The following COL6A6 variants were observed in gnomAD, a reference collection of about 807,000 sequenced individuals.
COL6A6 encodes collagen type VI alpha 6 chain.
In COL6A6, 183 loss-of-function variants were observed where a neutral mutation model predicts 208.6. The ratio of observed to expected loss-of-function variants is 0.88; its 90% CI spans 0.78 to 0.99. COL6A6 has a LOEUF of 0.99. Among genes scored for constraint, COL6A6 ranks in the 50% least tolerant of loss-of-function variants. COL6A6 has a pLI of 0.00. For synonymous variants in COL6A6, 973 were observed against 1,011.8 expected, an observed-to-expected ratio of 0.96 and a Z score of 0.73; for missense variants, 2,816 against 2,815.2, an observed-to-expected ratio of 1.00 and a Z score of -0.01.
rs1485930728 is a variant in COL6A6, at chr3:130,538,652, G to A, written c.-32+21255G>A. ...CTAGTCATGCAGTTTGTGGGCTATA[G>A]AACTAGGATTTTAATTAGGCAGTCT... On this transcript the variant is annotated intron_variant, in intron 1 of 36. Transcript: ENST00000358511. 2.6e-5 allele frequency among the ~76,000 whole-genome samples: 4 copies of A among 152,310 alleles called. No individual in the cohort carries two copies. In the East Asian group the frequency reaches 7.7e-4, roughly 29 times the overall value.
chr3:130,561,568 T>C (rs1031821143), intron 2 of COL6A6, among the ~76,000 whole-genome samples: 2 of 151,660 alleles, frequency 1.3e-5, no homozygotes, highest in African/African-American at 4.8e-5. Context: ...ACTTACCTAG[T>C]AACCATTTTA....
At chr3:130,563,770 G>T (rs1362245476) in intron 3 of COL6A6, 106 bp downstream of exon 3, 5 of 740,956 alleles carry the variant, frequency 6.7e-6, no homozygotes, top group Non-Finnish European at 1.1e-5. Flanking sequence ...AAAATGGGCT[G>T]CATTTTCAGA....
In COL6A6 at chr3:130,568,170, C is replaced by T. The variant is rs754319454; in HGVS notation, c.1967C>T (p.Pro656Leu). The T allele has an allele frequency of 6.2e-7, 1 of 1,613,958 alleles. No homozygotes were observed. Among genetic ancestry groups the T allele is most frequent in the Non-Finnish European group, 8.5e-7 (1 of 1,179,888 alleles). ...KNLVSKSQIG[P>L]DRVQIGVVQF... ...CTGGTGAGCAAGTCTCAGATTGGAC[C>T]AGATCGGGTGCAAATTGGTGTAGTC... is the stretch of plus-strand genomic sequence containing the variant. Residue 656 changes from proline to leucine, a missense_variant, in exon 6 of 37, where the codon CCA becomes CTA. Transcript: ENST00000358511.
At chr3:130,572,712 T>G (rs761123752) in intron 7 of COL6A6, among the ~76,000 whole-genome samples, 2 of 152,254 alleles carry the variant, frequency 1.3e-5, no homozygotes, top group Non-Finnish European at 2.9e-5. Flanking sequence ...CAGTACTAGA[T>G]TTCCTTTATT....
intron 8 of COL6A6, among the ~76,000 whole-genome samples, chr3:130,576,559 A>G (rs2063302565): frequency 6.6e-6 from 1 of 152,206 alleles, no homozygotes; most frequent in South Asian, 2.1e-4. Context: ...TCTCTGAACC[A>G]TCCAGTTTCT....
intron 15 of COL6A6, 89 bp downstream of exon 15, chr3:130,592,811 A>G: frequency 2.3e-6 from 3 of 1,283,484 alleles, no homozygotes; most frequent in East Asian, 2.4e-5. Context: ...AATTATACAA[A>G]TAAAGTTGTC....
intron 26 of COL6A6, 129 bp from the exon 27 acceptor site, chr3:130,634,461 T>C (rs2065049886): frequency 1.4e-6 from 1 of 736,274 alleles, no homozygotes; most frequent in Middle Eastern, 2.3e-4. Context: ...CTTCCAGATT[T>C]CAATTGTTTT....
At chr3:130,624,318 G>A (rs755053185) in intron 24 of COL6A6, among the ~76,000 whole-genome samples, 2 of 152,158 alleles carry the variant, frequency 1.3e-5, no homozygotes, top group African/African-American at 2.4e-5. Flanking sequence ...TGGCAAAGAG[G>A]ATGAGCTTGA....
intron 1 of COL6A6, among the ~76,000 whole-genome samples, chr3:130,551,410 C>T (rs2062637725): frequency 6.6e-6 from 1 of 152,054 alleles, no homozygotes; most frequent in Non-Finnish European, 1.5e-5. Flanking sequence ...TTGTATGTGT[C>T]CAGGATTTAT....
intron 8 of COL6A6, among the ~76,000 whole-genome samples, chr3:130,578,037 T>C (rs1459750181): frequency 6.6e-6 from 1 of 152,194 alleles, no homozygotes; most frequent in Non-Finnish European, 1.5e-5. Context: ...TCCATGCTTA[T>C]TTTCTTGGTT....
intron 1 of COL6A6, among the ~76,000 whole-genome samples, chr3:130,540,581 G>C (rs1439630911): frequency 2.0e-5 from 3 of 152,112 alleles, no homozygotes; most frequent in African/African-American, 7.2e-5. Context: ...ATGGTGGTTT[G>C]CTGCATCTAT....
chr3:130,644,891 T>C, intron 31 of COL6A6, 100 bp from the exon 32 acceptor site: 2 of 1,094,726 alleles, frequency 1.8e-6, no homozygotes, highest in Non-Finnish European at 2.8e-6. Flanking sequence ...TTGAGTCATC[T>C]ACAAAAAGCA....
chr3:130,648,417 A>G (rs942067158), intron 32 of COL6A6, among the ~76,000 whole-genome samples: 4 of 152,188 alleles, frequency 2.6e-5, no homozygotes, highest in African/African-American at 9.7e-5. Context: ...GATTCATTTA[A>G]TGCTCACCTC....
rs762860254 is a variant in COL6A6 at position 130,568,646 on chromosome 3, A to G, written c.2401+42A>G. ...TCACTAGCAGGACTATCCGAACAAC[A>G]GATGTCTTTTTTAGCCTCTATTTCT... On this transcript the variant is annotated intron_variant, in intron 6 of 36. Coordinates refer to ENST00000358511, the MANE Select transcript of COL6A6 (RefSeq NM_001102608.3). 4.7e-6 allele frequency: 7 copies of G among 1,478,028 alleles called. No homozygotes were observed. The East Asian group carries it at 1.4e-4, about 29-fold the overall frequency. 91.6% of individuals were successfully genotyped at this position (1,478,028 alleles called of 1,614,324 possible).
chr3:130,543,596 T>A (rs946443745), intron 1 of COL6A6, among the ~76,000 whole-genome samples: 7 of 152,362 alleles, frequency 4.6e-5, no homozygotes, highest in African/African-American at 1.7e-4. Flanking sequence ...ATAACACTTA[T>A]ACTGCTTCAT....
chr3:130,592,839 A>G (rs2063753168), intron 15 of COL6A6, 117 bp downstream of exon 15: 3 of 1,006,100 alleles, frequency 3.0e-6, no homozygotes, highest in Non-Finnish European at 4.4e-6. Context: ...TTCCTTTTTT[A>G]TTGCCAGCCA....
intron 1 of COL6A6, among the ~76,000 whole-genome samples, chr3:130,529,819 C>G (rs974134673): frequency 6.6e-6 from 1 of 152,146 alleles, no homozygotes; most frequent in Non-Finnish European, 1.5e-5. Flanking sequence ...GGGAAAGGAC[C>G]ATGACTGCCT....
At chr3:130,537,558 G>A (rs1294255276) in intron 1 of COL6A6, among the ~76,000 whole-genome samples, 2 of 152,234 alleles carry the variant, frequency 1.3e-5, no homozygotes, top group Admixed American at 1.3e-4. Flanking sequence ...GCTACCCTGT[G>A]TGAATCTCTT....
chr3:130,550,739 A>G (rs2062624193), intron 1 of COL6A6, among the ~76,000 whole-genome samples: 1 of 152,202 alleles, frequency 6.6e-6, no homozygotes, highest in Non-Finnish European at 1.5e-5. Flanking sequence ...TCCCTCCCAC[A>G]ACATGTGGGA....
Sources: allele counts gnomAD v4.1 joint callset (sites outside exome capture counted in the v4.1 genomes callset), GRCh38; gene constraint gnomAD v4.1.1; transcripts MANE v1.5; gene names NCBI Gene and HGNC (gene_info 2026-07-23, HGNC 2026-07-21).